ATF6: variants seen among roughly 807,000 people sequenced by gnomAD.
The protein encoded by ATF6 is activating transcription factor 6.
Under a neutral mutation model 83.6 loss-of-function variants are expected in ATF6, and 53 were observed. The observed-to-expected ratio is 0.63, with a 90% CI of 0.51 to 0.80. The LOEUF (loss-of-function observed/expected upper bound fraction) is 0.80. Ranked by LOEUF, ATF6 falls within the 30% of genes least tolerant of loss-of-function variation. ATF6 has a pLI of 0.00. For synonymous variants in ATF6, 288 were observed against 285.8 expected (o/e 1.01, Z -0.08); for missense variants, 744 against 797.9 (o/e 0.93, Z 0.81).
chr1:161,942,064 T>C (rs1250580607), intron 15 of ATF6, among the ~76,000 whole-genome samples: 2 of 152,136 alleles, frequency 1.3e-5, no homozygotes, highest in South Asian at 2.1e-4. Context: ...TAAAGCCACA[T>C]TGTTTCCAAT....
chr1:161,794,112 G>A (rs183194642), intron 6 of ATF6, among the ~76,000 whole-genome samples: 202 of 152,066 alleles, frequency 1.3e-3, no homozygotes, highest in African/African-American at 4.4e-3. Context: ...TCACCATGTC[G>A]GCCAGGATGG....
At chr1:161,924,345 G>A (rs1026982980) in intron 15 of ATF6, among the ~76,000 whole-genome samples, 1 of 152,116 alleles carries the variant, frequency 6.6e-6, no homozygotes, top group Admixed American at 6.5e-5. Context: ...TTGACATTGG[G>A]AAATACTCCT....
intron 7 of ATF6, among the ~76,000 whole-genome samples, chr1:161,802,524 T>C (rs1262071508): frequency 1.3e-5 from 2 of 152,206 alleles, no homozygotes; most frequent in Non-Finnish European, 2.9e-5. Context: ...TACCTCCCTC[T>C]TCTTTACTCC....
intron 2 of ATF6, among the ~76,000 whole-genome samples, chr1:161,780,648 C>T (rs942813760): frequency 6.6e-6 from 1 of 152,162 alleles, no homozygotes; most frequent in Non-Finnish European, 1.5e-5. Flanking sequence ...GCTGGGATTA[C>T]AGGCGTGAGC....
intron 14 of ATF6, among the ~76,000 whole-genome samples, chr1:161,866,455 C>T (rs1687002291): frequency 6.6e-6 from 1 of 152,160 alleles, no homozygotes; most frequent in African/African-American, 2.4e-5. Context: ...GCTTATGATC[C>T]CAGTACTCCA....
At chr1:161,773,234 C>T (rs1324445465) in intron 1 of ATF6, among the ~76,000 whole-genome samples, 2 of 151,752 alleles carry the variant, frequency 1.3e-5, no homozygotes, top group African/African-American at 4.8e-5. Flanking sequence ...CCCAGGTTCA[C>T]GCCATTCTTC....
chr1:161,850,682 G>C (rs1253878435), intron 10 of ATF6, among the ~76,000 whole-genome samples: 14 of 152,156 alleles, frequency 9.2e-5, no homozygotes, highest in Non-Finnish European at 2.1e-4. Flanking sequence ...TATGCAGCAA[G>C]TATTTGTTGA....
intron 9 of ATF6, among the ~76,000 whole-genome samples, chr1:161,827,628 C>T (rs1418795814): frequency 6.6e-6 from 1 of 150,438 alleles, no homozygotes; most frequent in Non-Finnish European, 1.5e-5. Context: ...ATGTTTGTGC[C>T]TTATTGGTAT....
chr1:161,910,497 T>C (rs1402179178), intron 14 of ATF6, among the ~76,000 whole-genome samples: 1 of 152,186 alleles, frequency 6.6e-6, no homozygotes, highest in Non-Finnish European at 1.5e-5. Context: ...GTAGGAGACA[T>C]TGTGTTCAGA....
chr1:161,851,612 T>G, intron 10 of ATF6, 110 bp from the exon 11 acceptor site: 1 of 660,616 alleles, frequency 1.5e-6, no homozygotes, highest in Non-Finnish European at 2.7e-6. Context: ...ATATTCTGTT[T>G]ACTATATTTT....
intron 15 of ATF6, among the ~76,000 whole-genome samples, chr1:161,917,001 C>G (rs192273782): frequency 1.3e-5 from 2 of 152,208 alleles, no homozygotes; most frequent in Non-Finnish European, 2.9e-5. Flanking sequence ...TGTATCTCCT[C>G]AGTCAGCTTA....
intron 14 of ATF6, among the ~76,000 whole-genome samples, chr1:161,904,074 C>T (rs562238221): frequency 3.2e-4 from 48 of 152,260 alleles, no homozygotes; most frequent in African/African-American, 1.2e-3. Context: ...ACTGTTTTTG[C>T]TTCTGATCCC....
chr1:161,847,788 C>T (rs558728590), intron 10 of ATF6, among the ~76,000 whole-genome samples: 24 of 152,096 alleles, frequency 1.6e-4, no homozygotes, highest in South Asian at 4.1e-4. Flanking sequence ...TTTGGATTTA[C>T]GAGAGTTGAG....
chr1:161,875,455 C>T (rs75840360), intron 14 of ATF6, among the ~76,000 whole-genome samples: 2 of 151,740 alleles, frequency 1.3e-5, no homozygotes, highest in South Asian at 2.1e-4. Context: ...AATGTTGACA[C>T]ATTTTATTAT....
At chr1:161,790,167 A>T (rs1214849896) in intron 4 of ATF6, among the ~76,000 whole-genome samples, 3 of 152,096 alleles carry the variant, frequency 2.0e-5, no homozygotes, top group African/African-American at 7.2e-5. Context: ...TTATTGTTAA[A>T]TAGTTTACTT....
chr1:161,955,380 A>G (rs1367923637), intron 15 of ATF6, among the ~76,000 whole-genome samples: 1 of 152,200 alleles, frequency 6.6e-6, no homozygotes, highest in Non-Finnish European at 1.5e-5. Flanking sequence ...AAAGTCTTAA[A>G]GTAAAGGGTA....
intron 4 of ATF6, among the ~76,000 whole-genome samples, chr1:161,791,045 T>G (rs1380448097): frequency 6.6e-6 from 1 of 151,492 alleles, no homozygotes; most frequent in Non-Finnish European, 1.5e-5. Context: ...TTTGTATGAC[T>G]ACGAACCAAG....
chr1:161,851,931 G>A (rs1231142312), intron 11 of ATF6, 96 bp downstream of exon 11: 1 of 838,372 alleles, frequency 1.2e-6, no homozygotes, highest in South Asian at 1.6e-5. Flanking sequence ...CTAAGTGACT[G>A]AGAGAATCTC....
intron 15 of ATF6, among the ~76,000 whole-genome samples, chr1:161,949,239 C>T (rs1456349365): frequency 6.6e-6 from 1 of 152,130 alleles, no homozygotes; most frequent in Admixed American, 6.5e-5. Context: ...TTCGTTTATT[C>T]CAAAATATAT....
Sources: gnomAD v4.1 joint callset for allele counts (sites outside exome capture counted in the v4.1 genomes callset) on GRCh38, gnomAD v4.1.1 for gene constraint, MANE v1.5 for transcripts, NCBI Gene and HGNC (gene_info 2026-07-23, HGNC 2026-07-21) for gene names.